EPC2: variants seen among roughly 807,000 people sequenced by gnomAD.
EPC2 encodes enhancer of polycomb homolog 2.
In EPC2, 14 loss-of-function variants were observed where a neutral mutation model predicts 92.1. The observed-to-expected ratio is 0.15, with a 90% CI of 0.10 to 0.24. EPC2 has a LOEUF of 0.24. EPC2 is among the 10% of genes least tolerant of loss of function. The pLI, the probability that EPC2 is intolerant of heterozygous loss-of-function variation, is 1.00. For synonymous variants in EPC2, 340 were observed against 334.7 expected, an observed-to-expected ratio of 1.02 and a Z score of -0.17; for missense variants, 755 against 971.5, an observed-to-expected ratio of 0.78 and a Z score of 2.96.
At chr2:148,764,849 C>A in intron 6 of EPC2, 106 bp from the exon 7 acceptor site, 1 of 850,812 alleles carries the variant, frequency 1.2e-6, no homozygotes, top group Non-Finnish European at 1.6e-6. Flanking sequence ...AATAAAATCA[C>A]CTCCTGGGTA....
intron 10 of EPC2, among the ~76,000 whole-genome samples, chr2:148,771,738 C>T (rs140235050): frequency 4.0e-4 from 60 of 151,870 alleles, no homozygotes; most frequent in African/African-American, 1.4e-3. Flanking sequence ...GTAACCATTG[C>T]TCCTTGAGAG....
At chr2:148,733,138 C>G (rs540760947) in intron 2 of EPC2, among the ~76,000 whole-genome samples, 1 of 143,224 alleles carries the variant, frequency 7.0e-6, no homozygotes, top group East Asian at 2.4e-4. Context: ...AAGAGTATTT[C>G]AAACAGTATC....
chr2:148,737,431 T>C (rs76153234), intron 2 of EPC2, among the ~76,000 whole-genome samples: 3,932 of 152,230 alleles, frequency 0.026, 56 homozygotes, highest in East Asian at 0.032. Flanking sequence ...TGGCTGACAG[T>C]ATTTTTGTAT....
chr2:148,665,909 G>A (rs1485365004), intron 1 of EPC2, among the ~76,000 whole-genome samples: 1 of 152,136 alleles, frequency 6.6e-6, no homozygotes, highest in Non-Finnish European at 1.5e-5. Flanking sequence ...GGTGATAAAT[G>A]TCTTTAAATA....
At chr2:148,753,139 A>G (rs1352537384) in intron 3 of EPC2, among the ~76,000 whole-genome samples, 1 of 152,198 alleles carries the variant, frequency 6.6e-6, no homozygotes, top group Non-Finnish European at 1.5e-5. Flanking sequence ...AAGGCAACAA[A>G]TATGACCAAG....
At chr2:148,709,913 A>G (rs1021787521) in intron 2 of EPC2, among the ~76,000 whole-genome samples, 4 of 152,056 alleles carry the variant, frequency 2.6e-5, no homozygotes, top group African/African-American at 9.7e-5. Flanking sequence ...AACCTAGGCA[A>G]TACCATTCAG....
intron 3 of EPC2, among the ~76,000 whole-genome samples, chr2:148,751,376 T>A (rs1295856112): frequency 6.6e-6 from 1 of 152,100 alleles, no homozygotes; most frequent in Non-Finnish European, 1.5e-5. Flanking sequence ...TTTTTTTATC[T>A]CCCCATCCCT....
At chr2:148,698,147 T>C (rs191770926) in intron 2 of EPC2, among the ~76,000 whole-genome samples, 87 of 152,238 alleles carry the variant, frequency 5.7e-4, no homozygotes, top group Admixed American at 9.2e-4. Flanking sequence ...TCTATGATGA[T>C]GATGTTGCTT....
At chr2:148,777,712 C>T (rs1683673740) in intron 10 of EPC2, among the ~76,000 whole-genome samples, 1 of 151,996 alleles carries the variant, frequency 6.6e-6, no homozygotes, top group Non-Finnish European at 1.5e-5. Flanking sequence ...AACCACACAC[C>T]TAAAAGGCAA....
At chr2:148,667,759 T>C (rs556446357) in intron 1 of EPC2, among the ~76,000 whole-genome samples, 2 of 152,170 alleles carry the variant, frequency 1.3e-5, no homozygotes, top group African/African-American at 4.8e-5. Flanking sequence ...TTAGTTGTAG[T>C]TTTTTTTGTA....
In EPC2 at chr2:148,771,294, T is replaced by A. The variant is rs369459576; in HGVS notation, c.1627T>A (p.Cys543Ser). Residue 543 changes from cysteine to serine, a missense_variant, in exon 10 of 14, where the codon TGT (cysteine) becomes AGT (serine). Physicochemically the swap from Cys to Ser is moderately radical, Grantham distance 112. Coordinates refer to ENST00000258484, the MANE Select transcript of EPC2 (RefSeq NM_015630.4). ...TTTACAGGACAGTGATAGTGAAGAA[T>A]GTACCTCAAGAAAACCAGGGCAGAC... ...LNLQDSDSEECTSRKPGQTVN... is the reference protein window; with the variant it reads ...LNLQDSDSEESTSRKPGQTVN... 1.4e-5 allele frequency: 23 copies of A among 1,613,874 alleles called. No individual in the cohort carries two copies. The highest frequency in any genetic ancestry group is 1.9e-5 in the Non-Finnish European group (23 of 1,179,878).
intron 2 of EPC2, among the ~76,000 whole-genome samples, chr2:148,714,315 C>T (rs769993856): frequency 1.3e-5 from 2 of 151,938 alleles, no homozygotes; most frequent in East Asian, 1.9e-4. Flanking sequence ...AGTCTATCAT[C>T]GATGGGCATT....
chr2:148,687,831 C>T (rs574752826), intron 1 of EPC2, among the ~76,000 whole-genome samples: 26 of 152,226 alleles, frequency 1.7e-4, no homozygotes, highest in African/African-American at 5.1e-4. Context: ...CTTTCTTTAA[C>T]GGTAATTACT....
chr2:148,726,130 A>G (rs1682489757), intron 2 of EPC2, among the ~76,000 whole-genome samples: 1 of 152,092 alleles, frequency 6.6e-6, no homozygotes, highest in Non-Finnish European at 1.5e-5. Context: ...TGTAAACAAG[A>G]TTTCCTTTAA....
chr2:148,679,852 T>A (rs1346369809), intron 1 of EPC2, among the ~76,000 whole-genome samples: 1 of 152,176 alleles, frequency 6.6e-6, no homozygotes, highest in East Asian at 1.9e-4. Flanking sequence ...CTCACCATGT[T>A]GCCCAGGGTG....
chr2:148,730,161 T>C (rs1433773849), intron 2 of EPC2, among the ~76,000 whole-genome samples: 1 of 152,202 alleles, frequency 6.6e-6, no homozygotes, highest in African/African-American at 2.4e-5. Flanking sequence ...AGCCAAGTTT[T>C]ATAATTCTAG....
At chr2:148,650,761 G>C (rs574599591) in intron 1 of EPC2, among the ~76,000 whole-genome samples, 1 of 144,312 alleles carries the variant, frequency 6.9e-6, no homozygotes, top group East Asian at 2.6e-4. Context: ...ATAAAATGCA[G>C]TTTTGTAAGT....
intron 2 of EPC2, among the ~76,000 whole-genome samples, chr2:148,708,381 C>T (rs1682054825): frequency 6.6e-6 from 1 of 152,166 alleles, no homozygotes; most frequent in Non-Finnish European, 1.5e-5. Context: ...AAGTCCATGA[C>T]CAGACGGATT....
chr2:148,780,929 C>T (rs1449143197), intron 10 of EPC2, among the ~76,000 whole-genome samples: 1 of 152,114 alleles, frequency 6.6e-6, no homozygotes, highest in Non-Finnish European at 1.5e-5. Context: ...TGTAACTTAG[C>T]TGATTTTTTC....
Sources: gnomAD v4.1 joint callset for allele counts (sites outside exome capture counted in the v4.1 genomes callset) on GRCh38, gnomAD v4.1.1 for gene constraint, MANE v1.5 for transcripts, NCBI Gene and HGNC (gene_info 2026-07-23, HGNC 2026-07-21) for gene names.